HPSE2: variants seen among roughly 807,000 people sequenced by gnomAD.
HPSE2 encodes inactive heparanase-2.
HPSE2 carries 38 observed loss-of-function variants against 60.5 expected under a neutral mutation model. The ratio of observed to expected loss-of-function variants is 0.63; its 90% CI spans 0.48 to 0.82. The LOEUF is 0.82. Ranked by LOEUF, HPSE2 falls within the 40% of genes least tolerant of loss-of-function variation. The pLI is 0.00. For missense variants in HPSE2, 713 were observed against 740.4 expected (o/e 0.96, Z 0.43); for synonymous variants, 295 against 293.2 (o/e 1.01, Z -0.06).
At chr10:99,210,422 A>C (rs1263055972) in intron 2 of HPSE2, among the ~76,000 whole-genome samples, 1 of 152,252 alleles carries the variant, frequency 6.6e-6, no homozygotes, top group African/African-American at 2.4e-5. Context: ...TCATTTTATG[A>C]GACCAGAATT....
At chr10:98,723,060 C>T (rs550006268) in intron 4 of HPSE2, among the ~76,000 whole-genome samples, 1 of 152,252 alleles carries the variant, frequency 6.6e-6, no homozygotes, top group South Asian at 2.1e-4. Flanking sequence ...AAAGGGAATG[C>T]TTCTAGTCTT....
chr10:98,904,042 T>A (rs976463309), intron 3 of HPSE2, among the ~76,000 whole-genome samples: 3 of 152,142 alleles, frequency 2.0e-5, no homozygotes, highest in Non-Finnish European at 2.9e-5. Flanking sequence ...GTTATTGTGA[T>A]AATTAAATGT....
intron 2 of HPSE2, among the ~76,000 whole-genome samples, chr10:99,163,273 C>T (rs1046031434): frequency 6.6e-6 from 1 of 151,578 alleles, no homozygotes; most frequent in African/African-American, 2.4e-5. Flanking sequence ...TTTTAGTGTA[C>T]AAAAAATGCC....
chr10:99,206,388 C>T (rs1207441785), intron 2 of HPSE2, among the ~76,000 whole-genome samples: 1 of 151,970 alleles, frequency 6.6e-6, no homozygotes, highest in Non-Finnish European at 1.5e-5. Context: ...ATCACTTGAA[C>T]TGAGGAATTC....
Position 99,003,702 on chromosome 10 carries a change from T to C in HPSE2, c.610+140536A>G, listed in dbSNP as rs1359400158. Among the ~76,000 whole-genome samples, 3 of 152,130 alleles carry C rather than the reference T, an allele frequency of 2.0e-5. No individual in the cohort carries two copies. The East Asian group carries it at 5.8e-4, about 29-fold the overall frequency. ...TTCTCTTCTTGCTATTGAGTTGAGTTCCTTACACATTTTGGATATGAACCC... is the reference window on the plus strand; with the variant it reads ...TTCTCTTCTTGCTATTGAGTTGAGTCCCTTACACATTTTGGATATGAACCC... On this transcript the variant is annotated intron_variant, in intron 3 of 11. Transcript: ENST00000370552.
intron 3 of HPSE2, among the ~76,000 whole-genome samples, chr10:98,839,409 C>T (rs1297255169): frequency 6.6e-6 from 1 of 152,126 alleles, no homozygotes; most frequent in Non-Finnish European, 1.5e-5. Context: ...GTGAATAATA[C>T]TTTTGTAATC....
chr10:98,792,419 A>G (rs1024176897), intron 3 of HPSE2, among the ~76,000 whole-genome samples: 1 of 152,194 alleles, frequency 6.6e-6, no homozygotes, highest in Non-Finnish European at 1.5e-5. Flanking sequence ...AGGGGCTTCT[A>G]TAACTAGTTC....
chr10:99,251,091 T>A, the HPSE2 span, among the ~76,000 whole-genome samples: 2 of 152,144 alleles, frequency 1.3e-5, no homozygotes, highest in Non-Finnish European at 2.9e-5. Flanking sequence ...TCAAGATCAA[T>A]AGACTGCTAG....
chr10:99,179,748 G>GAA (rs149955639), intron 2 of HPSE2, among the ~76,000 whole-genome samples: 383 of 146,456 alleles, frequency 2.6e-3, no homozygotes, highest in South Asian at 6.6e-3. Context: ...CACAGAATGA[G>GAA]AAAAAAAAAA....
chr10:99,063,163 A>T (rs1486227103), intron 3 of HPSE2, among the ~76,000 whole-genome samples: 1 of 152,240 alleles, frequency 6.6e-6, no homozygotes, highest in Non-Finnish European at 1.5e-5. Context: ...ATATATGTGA[A>T]AATCTTAAAG....
intron 3 of HPSE2, among the ~76,000 whole-genome samples, chr10:98,856,312 T>C (rs1434889808): frequency 1.3e-5 from 2 of 152,164 alleles, no homozygotes; most frequent in Non-Finnish European, 2.9e-5. Flanking sequence ...AAAACAATTA[T>C]AATTAACATG....
At chr10:99,184,314 C>G (rs905962087) in intron 2 of HPSE2, among the ~76,000 whole-genome samples, 2 of 151,940 alleles carry the variant, frequency 1.3e-5, no homozygotes, top group African/African-American at 2.4e-5. Flanking sequence ...CATTTGAGGT[C>G]AGGAGTTTGA....
chr10:99,111,233 G>C (rs1844445321), intron 3 of HPSE2, among the ~76,000 whole-genome samples: 1 of 152,102 alleles, frequency 6.6e-6, no homozygotes, highest in Non-Finnish European at 1.5e-5. Context: ...AGTAAGTATT[G>C]AGTTGGGACT....
At chr10:99,018,703 G>A (rs1957196066) in intron 3 of HPSE2, among the ~76,000 whole-genome samples, 1 of 152,048 alleles carries the variant, frequency 6.6e-6, no homozygotes, top group Admixed American at 6.5e-5. Flanking sequence ...CAAGGAAAAT[G>A]TATGACAAAT....
At chr10:98,579,684 G>A (rs944089299) in intron 9 of HPSE2, among the ~76,000 whole-genome samples, 3 of 152,158 alleles carry the variant, frequency 2.0e-5, no homozygotes, top group African/African-American at 7.2e-5. Context: ...GCTATCGGAA[G>A]ATGTAGTCTA....
intron 2 of HPSE2, among the ~76,000 whole-genome samples, chr10:99,230,009 TG>T: frequency 6.6e-6 from 1 of 152,350 alleles, no homozygotes; most frequent in Middle Eastern, 3.4e-3. Flanking sequence ...TAAGGATATG[TG>T]AGCTTCAAAG....
intron 3 of HPSE2, among the ~76,000 whole-genome samples, chr10:98,965,358 G>C (rs528267172): frequency 6.6e-6 from 1 of 151,964 alleles, no homozygotes; most frequent in South Asian, 2.1e-4. Flanking sequence ...GTAATTGTGT[G>C]ATCTTATGAA....
chr10:98,834,698 A>T (rs573015022), intron 3 of HPSE2, among the ~76,000 whole-genome samples: 1 of 152,296 alleles, frequency 6.6e-6, no homozygotes, highest in South Asian at 2.1e-4. Flanking sequence ...TGAGGTCCTT[A>T]CATTTCCAGC....
intron 3 of HPSE2, among the ~76,000 whole-genome samples, chr10:99,088,621 G>C (rs970603172): frequency 1.3e-5 from 2 of 152,088 alleles, no homozygotes; most frequent in Non-Finnish European, 2.9e-5. Context: ...GCATTTGGGC[G>C]GGTTCCACAT....
Sources: gnomAD v4.1 joint callset for allele counts (sites outside exome capture counted in the v4.1 genomes callset) on GRCh38, gnomAD v4.1.1 for gene constraint, MANE v1.5 for transcripts, NCBI Gene and HGNC (gene_info 2026-07-23, HGNC 2026-07-21) for gene names.